The following KLHL22 variants were observed in gnomAD, a reference collection of about 807,000 sequenced individuals.
The protein encoded by KLHL22 is kelch-like protein 22.
In KLHL22, 18 loss-of-function variants were observed where a neutral mutation model predicts 60.7. The ratio of observed to expected loss-of-function variants is 0.30; its 90% CI spans 0.20 to 0.44. KLHL22 has a LOEUF of 0.44. Among genes scored for constraint, KLHL22 ranks in the 20% least tolerant of loss-of-function variants. The pLI is 1.00. For missense variants in KLHL22, 596 were observed against 852.3 expected, an observed-to-expected ratio of 0.70 and a Z score of 3.74; for synonymous variants, 355 against 354.5, an observed-to-expected ratio of 1.00 and a Z score of -0.01.
rs1431604333 is a variant in KLHL22, at chr22:20,465,392, A to G, written c.578T>C (p.Leu193Ser). 1.9e-6 allele frequency: 3 copies of G among 1,614,156 alleles called. No homozygotes were observed. The highest frequency in any genetic ancestry group is 2.5e-6 in the Non-Finnish European group (3 of 1,180,010). ...SRTDKYRQLP[L>S]EKVYSLLSSN... Reference sequence around the variant, plus strand: ...GCTGAGGAGGGAGTAGACCTTCTCCAATGGAAGCTGGCGGTACTTGTCAGT... The same window carrying G: ...GCTGAGGAGGGAGTAGACCTTCTCCGATGGAAGCTGGCGGTACTTGTCAGT... The change falls in exon 4 of 7, where the codon TTG (leucine) becomes TCG (serine). Residue 193 changes from leucine (L) to serine (S), a missense_variant. Physicochemically the swap from Leu to Ser is moderately radical, Grantham distance 145 (BLOSUM62 -2). Coordinates refer to ENST00000328879, the MANE Select transcript of KLHL22 (RefSeq NM_032775.4). The surrounding 1 kb of genome is among the most constrained non-coding windows in gnomAD (Gnocchi z 4.9).
intron 2 of KLHL22, chr22:20,483,174 AG>A (rs1416121915): frequency 1.6e-6 from 1 of 635,060 alleles, no homozygotes; most frequent in African/African-American, 1.8e-5. Context: ...TTTCTCAAGG[AG>A]TCCAGGTTGA....
intron 2 of KLHL22, 115 bp from the exon 3 acceptor site, chr22:20,471,630 T>C (rs2053328604): frequency 9.4e-7 from 1 of 1,062,616 alleles, no homozygotes; most frequent in Non-Finnish European, 1.4e-6. Context: ...GCCCTGGTAG[T>C]GGGCTGACCC....
intron 6 of KLHL22, among the ~76,000 whole-genome samples, chr22:20,443,822 T>C (rs1186014603): frequency 6.6e-6 from 1 of 151,922 alleles, no homozygotes; most frequent in Non-Finnish European, 1.5e-5. Flanking sequence ...CTGAGGTGCG[T>C]GGATCACCTG....
rs754999951 is a variant in KLHL22 at position 20,442,096 on chromosome 22, A to G, written c.1882T>C (p.Phe628Leu). Reference sequence around the variant, plus strand: ...GCCTAGTCCTCACTGGAGTTGTCAAACTCCTCCCAGTCAGACACACTCATC... The same window carrying G: ...GCCTAGTCCTCACTGGAGTTGTCAAGCTCCTCCCAGTCAGACACACTCATC... Reference protein sequence around the residue: ...EVMSVSDWEEFDNSSED With the variant: ...EVMSVSDWEELDNSSED Residue 628 changes from phenylalanine to leucine, a missense_variant, in exon 7 of 7, where the codon TTT becomes CTT. Transcript: ENST00000328879. 3 of 1,506,890 alleles carry G rather than the reference A, an allele frequency of 2.0e-6. No homozygotes were observed. Among genetic ancestry groups the G allele is most frequent in the Non-Finnish European group, 2.7e-6 (3 of 1,127,564 alleles). 93.3% of individuals were successfully genotyped at this position (1,506,890 alleles called of 1,614,324 possible). A position where few individuals can be genotyped will look rare whatever the true frequency, so the allele number is the denominator to read the frequency against.
At chr22:20,451,309 C>A in intron 5 of KLHL22, 1 of 1,607,154 alleles carries the variant, frequency 6.2e-7, no homozygotes, top group Non-Finnish European at 8.5e-7. Context: ...CAGTATGGAG[C>A]GGTATGATCC....
intron 2 of KLHL22, among the ~76,000 whole-genome samples, chr22:20,485,906 C>T (rs1209263807): frequency 2.7e-5 from 4 of 150,906 alleles, no homozygotes; most frequent in Admixed American, 6.6e-5. Context: ...GTGTGGCTCA[C>T]ACCTGTCATC....
chr22:20,451,051 T>C, intron 5 of KLHL22: 1 of 1,498,008 alleles, frequency 6.7e-7, no homozygotes, highest in Non-Finnish European at 9.3e-7. Context: ...GTGGAGCTTT[T>C]TGCCAAGCAT....
intron 5 of KLHL22, 123 bp from the exon 6 acceptor site, chr22:20,446,799 C>A: frequency 1.4e-6 from 1 of 709,826 alleles, no homozygotes; most frequent in East Asian, 2.6e-5. Context: ...CACCACTTCC[C>A]ACTCACATAC....
chr22:20,466,342 C>T (rs988457776), intron 3 of KLHL22, among the ~76,000 whole-genome samples: 1 of 143,792 alleles, frequency 7.0e-6, no homozygotes, highest in Non-Finnish European at 1.5e-5. Context: ...CCATTGCACT[C>T]CAACCTGGGT....
At chr22:20,486,687 T>C (rs1297561024) in intron 2 of KLHL22, among the ~76,000 whole-genome samples, 4 of 151,484 alleles carry the variant, frequency 2.6e-5, no homozygotes, top group Non-Finnish European at 5.9e-5. Context: ...TCTTTTCTTT[T>C]TTTTTTTTTT....
intron 1 of KLHL22, chr22:20,491,414 T>C (rs1487500914): frequency 6.6e-6 from 1 of 152,202 alleles, no homozygotes; most frequent in African/African-American, 2.4e-5. Flanking sequence ...TGGCCTTTCC[T>C]GTCACCAGCC....
Position 20,485,013 on chromosome 22 carries a change from T to C in KLHL22, c.227+3972A>G, listed in dbSNP as rs1010817980. The stretch of plus-strand genomic sequence containing the variant: ...CCCTGGAAAACATCTGGGCTTTGTG[T>C]TTTGTGGGGAATACAACTTTCTCTC... On this transcript the variant is annotated intron_variant, in intron 2 of 6. Transcript: ENST00000328879. 5.9e-5 allele frequency among the ~76,000 whole-genome samples: 9 copies of C among 152,312 alleles called. No individual in the cohort carries two copies. In the South Asian group the frequency reaches 8.3e-4, roughly 14 times the overall value.
At chr22:20,451,311 G>C (rs1016088371) in intron 5 of KLHL22, 2 of 1,608,236 alleles carry the variant, frequency 1.2e-6, no homozygotes, top group Non-Finnish European at 1.7e-6. Flanking sequence ...GTATGGAGCG[G>C]TATGATCCAA....
chr22:20,459,931 G>A (rs954726736), intron 4 of KLHL22, among the ~76,000 whole-genome samples: 66 of 152,196 alleles, frequency 4.3e-4, no homozygotes, highest in Non-Finnish European at 9.6e-4. Context: ...GCTGGTCAGC[G>A]GGGCCTGGGG....
In KLHL22 at chr22:20,458,756, G is replaced by A. The variant is rs79707119; in HGVS notation, c.1113-756C>T. Reference sequence around the variant, plus strand: ...CATCATACCCTCAGCTTTGTCAACAGCCGCACACACAAGGCTCTGGTCATC... The same window carrying A: ...CATCATACCCTCAGCTTTGTCAACAACCGCACACACAAGGCTCTGGTCATC... On this transcript the variant is annotated intron_variant, in intron 4 of 6. Coordinates refer to ENST00000328879, the MANE Select transcript of KLHL22 (RefSeq NM_032775.4). Among the ~76,000 whole-genome samples the A allele has an allele frequency of 6.5e-3, 993 of 152,174 alleles. 9 individuals are homozygous for A. Among genetic ancestry groups the A allele is most frequent in the Non-Finnish European group, 0.01 (690 of 67,998 alleles).
At chr22:20,460,043 G>T (rs1235064571) in intron 4 of KLHL22, among the ~76,000 whole-genome samples, 3 of 152,150 alleles carry the variant, frequency 2.0e-5, no homozygotes, top group African/African-American at 7.2e-5. Flanking sequence ...TCTGGCAGGG[G>T]ACCAGCAGTC....
At chr22:20,481,238 C>A (rs545857879) in intron 2 of KLHL22, 1 of 152,144 alleles carries the variant, frequency 6.6e-6, no homozygotes. Flanking sequence ...CTCTGTCCCC[C>A]CTTCTCACTA....
At chr22:20,483,900 C>G (rs2053545124) in intron 2 of KLHL22, 1 of 691,072 alleles carries the variant, frequency 1.4e-6, no homozygotes, top group East Asian at 2.6e-5. Flanking sequence ...TGCCAGATCC[C>G]CAGCCATCCC....
intron 2 of KLHL22, among the ~76,000 whole-genome samples, chr22:20,480,390 G>A (rs1211371208): frequency 6.6e-6 from 1 of 152,102 alleles, no homozygotes; most frequent in African/African-American, 2.4e-5. Flanking sequence ...AGTAGCAGGG[G>A]AATGACCAAA....
Sources: gnomAD v4.1 joint callset for allele counts (sites outside exome capture counted in the v4.1 genomes callset) on GRCh38, gnomAD v4.1.1 for gene constraint, Gnocchi (gnomAD v3.1) non-coding constraint, MANE v1.5 for transcripts, NCBI Gene and HGNC (gene_info 2026-07-23, HGNC 2026-07-21) for gene names.